Variants in SEZ6L observed in about 807,000 individuals in gnomAD.
SEZ6L encodes the protein seizure related 6 homolog like, also known as seizure 6-like protein.
Under a neutral mutation model 106.2 loss-of-function variants are expected in SEZ6L, and 37 were observed. The observed-to-expected ratio is 0.35, with a 90% CI of 0.27 to 0.46. The LOEUF (loss-of-function observed/expected upper bound fraction) is 0.46, where lower values mean the gene tolerates loss of function less well. Among genes scored for constraint, SEZ6L ranks in the 20% least tolerant of loss-of-function variants. The probability of loss-of-function intolerance (pLI) is 1.00; values close to 1 mark genes in which losing one functional copy is unlikely to be tolerated. For missense variants in SEZ6L, 1,172 were observed against 1,332.8 expected (o/e 0.88, Z 1.88); for synonymous variants, 541 against 570.4 (o/e 0.95, Z 0.73).
At chr22:26,247,200 A>G (rs1177152141) in intron 1 of SEZ6L, among the ~76,000 whole-genome samples, 1 of 152,162 alleles carries the variant, frequency 6.6e-6, no homozygotes, top group Non-Finnish European at 1.5e-5. Flanking sequence ...GGTAGGTCCC[A>G]ATGATGTTAT....
intron 1 of SEZ6L, among the ~76,000 whole-genome samples, chr22:26,267,703 A>G (rs1327652938): frequency 6.6e-6 from 1 of 152,218 alleles, no homozygotes; most frequent in Non-Finnish European, 1.5e-5. Context: ...TTAATTTTTG[A>G]GGCGTATTTC....
At chr22:26,228,273 T>G (rs1330447764) in intron 1 of SEZ6L, among the ~76,000 whole-genome samples, 1 of 152,014 alleles carries the variant, frequency 6.6e-6, no homozygotes, top group Non-Finnish European at 1.5e-5. Context: ...CTCTAAAAAA[T>G]GAGAGTCTGG....
At chr22:26,176,928 A>G (rs1323577140) in intron 1 of SEZ6L, among the ~76,000 whole-genome samples, 1 of 152,154 alleles carries the variant, frequency 6.6e-6, no homozygotes, top group Admixed American at 6.5e-5. Context: ...TGGGTAATTC[A>G]TACACTGATA....
intron 5 of SEZ6L, 57 bp downstream of exon 5, chr22:26,299,226 C>CTTT: frequency 7.7e-7 from 1 of 1,291,292 alleles, no homozygotes; most frequent in South Asian, 2.4e-5. Context: ...GGGGAAAGAC[C>CTTT]AACCTGTAGG....
chr22:26,257,496 T>C (rs999034471), intron 1 of SEZ6L, among the ~76,000 whole-genome samples: 1 of 152,200 alleles, frequency 6.6e-6, no homozygotes, highest in Admixed American at 6.5e-5. Context: ...TGCAAGGTAC[T>C]GTGCTGATAA....
intron 1 of SEZ6L, among the ~76,000 whole-genome samples, chr22:26,227,732 C>T (rs1160627319): frequency 6.6e-6 from 1 of 152,074 alleles, no homozygotes; most frequent in Admixed American, 6.6e-5. Flanking sequence ...GTTCGTAGTA[C>T]GATTATGAGT....
At chr22:26,272,921 C>T (rs2080415332) in intron 1 of SEZ6L, among the ~76,000 whole-genome samples, 1 of 152,172 alleles carries the variant, frequency 6.6e-6, no homozygotes, top group South Asian at 2.1e-4. Flanking sequence ...GCCTCATTTT[C>T]CCCATCTGCA....
chr22:26,378,044 G>A (rs80355121), intron 16 of SEZ6L, among the ~76,000 whole-genome samples: 7,179 of 152,174 alleles, frequency 0.047, 597 homozygotes, highest in African/African-American at 0.16. Flanking sequence ...CCCACAGAGA[G>A]CAGACCAACG....
intron 5 of SEZ6L, among the ~76,000 whole-genome samples, chr22:26,303,266 AAC>A (rs1213813669): frequency 6.6e-6 from 1 of 152,228 alleles, no homozygotes; most frequent in Non-Finnish European, 1.5e-5. Flanking sequence ...TGTAGGTCAC[AAC>A]ACAGTCTGGA....
intron 1 of SEZ6L, among the ~76,000 whole-genome samples, chr22:26,223,459 T>G (rs1434896738): frequency 6.6e-6 from 1 of 152,198 alleles, no homozygotes; most frequent in East Asian, 1.9e-4. Context: ...AAATTGGATT[T>G]CACAAGTTTA....
intron 8 of SEZ6L, 123 bp from the exon 9 acceptor site, chr22:26,313,641 C>T: frequency 8.8e-7 from 1 of 1,133,146 alleles, no homozygotes; most frequent in Non-Finnish European, 1.3e-6. Flanking sequence ...GAGGTGAAGA[C>T]ACCTGTCCAC....
intron 1 of SEZ6L, among the ~76,000 whole-genome samples, chr22:26,199,280 C>G (rs142635812): frequency 1.3e-5 from 2 of 152,202 alleles, no homozygotes; most frequent in Admixed American, 6.5e-5. Context: ...AACCCAGGGC[C>G]TGTTGCTTAG....
intron 9 of SEZ6L, among the ~76,000 whole-genome samples, chr22:26,336,298 T>C (rs1342232345): frequency 1.3e-5 from 2 of 152,156 alleles, no homozygotes; most frequent in Admixed American, 6.5e-5. Context: ...TCCTTCTCCC[T>C]ATGGATGTGT....
intron 1 of SEZ6L, among the ~76,000 whole-genome samples, chr22:26,228,554 T>C (rs2078704038): frequency 6.6e-6 from 1 of 152,212 alleles, no homozygotes; most frequent in Non-Finnish European, 1.5e-5. Flanking sequence ...CTATGCCTCC[T>C]CATGCTTCCC....
In SEZ6L at chr22:26,184,771, A is replaced by T. The variant is rs140299706; in HGVS notation, c.94+15008A>T. Among the ~76,000 whole-genome samples the T allele has an allele frequency of 4.9e-4, 75 of 152,322 alleles. 1 individual carries two copies. The highest frequency in any genetic ancestry group is 3.4e-3 in the Middle Eastern group (1 of 294). Reference sequence around the variant, plus strand: ...TCTACTCCTACAATAAAAGAAAAAAAAGTTTAGGCTTATTAATCTCTGATA... The same window carrying T: ...TCTACTCCTACAATAAAAGAAAAAATAGTTTAGGCTTATTAATCTCTGATA... On this transcript the variant is annotated intron_variant, in intron 1 of 16. Coordinates refer to ENST00000248933, the MANE Select transcript of SEZ6L (RefSeq NM_021115.5).
chr22:26,232,529 A>G (rs1007353547), intron 1 of SEZ6L, among the ~76,000 whole-genome samples: 2 of 152,162 alleles, frequency 1.3e-5, no homozygotes, highest in African/African-American at 4.8e-5. Flanking sequence ...CCACATATAC[A>G]ATGGGGATCT....
intron 1 of SEZ6L, among the ~76,000 whole-genome samples, chr22:26,201,120 A>T (rs1940917785): frequency 6.6e-6 from 1 of 152,116 alleles, no homozygotes; most frequent in Non-Finnish European, 1.5e-5. Flanking sequence ...TCTCAGCTGA[A>T]CTGTAAGCTC....
intron 13 of SEZ6L, among the ~76,000 whole-genome samples, chr22:26,369,232 G>C (rs141241730): frequency 5.3e-5 from 8 of 151,180 alleles, no homozygotes; most frequent in Non-Finnish European, 1.2e-4. Flanking sequence ...CAGGTGAATT[G>C]TATCATCAGC....
In SEZ6L at chr22:26,292,655, C is replaced by G. The variant is rs144766472; in HGVS notation, c.344C>G (p.Pro115Arg). 9.2e-5 allele frequency: 148 copies of G among 1,613,300 alleles called. No individual in the cohort carries two copies. In the African/African-American group the frequency reaches 1.8e-3, roughly 20 times the overall value. The change falls in exon 2 of 17, where the codon CCC becomes CGC. Residue 115 changes from proline (P) to arginine (R), a missense_variant. By Grantham distance (103) the Pro-to-Arg change is moderately radical (BLOSUM62 -2). This residue lies in a region of SEZ6L where 494 missense variants were observed against 445.8 expected (regional missense o/e 1.11). Coordinates refer to ENST00000248933, the MANE Select transcript of SEZ6L (RefSeq NM_021115.5). ...GCCCGCCCCAAGCACGCCTTGCCCC[C>G]CAAGAAGAAACTGCCTTCGCTCAAG... ...EEARPKHALP[P>R]KKKLPSLKQV... is the part of the protein sequence containing the mutation.
Sources: allele counts gnomAD v4.1 joint callset (sites outside exome capture counted in the v4.1 genomes callset), GRCh38; gene constraint gnomAD v4.1.1; regional missense constraint gnomAD v4.1.1; transcripts MANE v1.5; gene names NCBI Gene and HGNC (gene_info 2026-07-23, HGNC 2026-07-21).